Variants in FGF13 observed in about 807,000 individuals in gnomAD.
FGF13 encodes the protein fibroblast growth factor 13.
Under a neutral mutation model 19.5 loss-of-function variants are expected in FGF13, and 2 were observed. The ratio of observed to expected loss-of-function variants is 0.10; its 90% CI spans 0.04 to 0.32. The LOEUF (loss-of-function observed/expected upper bound fraction) is 0.32, where lower values mean the gene tolerates loss of function less well. FGF13 is among the 10% of genes least tolerant of loss of function. The probability of loss-of-function intolerance (pLI) is 1.00; values close to 1 mark genes in which losing one functional copy is unlikely to be tolerated. For missense variants in FGF13, 113 were observed against 192.7 expected, an observed-to-expected ratio of 0.59 and a Z score of 2.45; for synonymous variants, 72 against 76.9, an observed-to-expected ratio of 0.94 and a Z score of 0.33.
chrX:138,679,749 T>C (rs956279211), intron 3 of FGF13, among the ~76,000 whole-genome samples: 1 of 111,861 alleles, frequency 8.9e-6, no homozygotes, highest in African/African-American at 3.3e-5. Context: ...GCCTGGATGT[T>C]AATTGCTGCT....
intron 1 of FGF13, among the ~76,000 whole-genome samples, chrX:139,047,140 ACTTG>A (rs2092290040): frequency 8.9e-6 from 1 of 112,202 alleles, no homozygotes; most frequent in East Asian, 2.8e-4. Flanking sequence ...TTCCCTGGCT[ACTTG>A]AAGTCCTCTT....
intron 3 of FGF13, among the ~76,000 whole-genome samples, chrX:138,761,755 G>T (rs1476409059): frequency 9.0e-6 from 1 of 111,344 alleles, no homozygotes; most frequent in Non-Finnish European, 1.9e-5. Flanking sequence ...TGGACATTGA[G>T]AACCACACTT....
intron 3 of FGF13, among the ~76,000 whole-genome samples, chrX:138,665,032 TAGGAA>T (rs2089526660): frequency 9.0e-6 from 1 of 110,919 alleles, no homozygotes; most frequent in South Asian, 3.9e-4. Context: ...TCTTTGTTTG[TAGGAA>T]AGGGGTTCTC....
At chrX:138,790,943 C>T (rs187381102) in intron 3 of FGF13, among the ~76,000 whole-genome samples, 1 of 111,941 alleles carries the variant, frequency 8.9e-6, no homozygotes, top group African/African-American at 3.2e-5. Flanking sequence ...CTGTGAGTTC[C>T]ATATCTGCAG....
chrX:138,742,984 T>C (rs761494926), upstream of FGF13, among the ~76,000 whole-genome samples: 51 of 111,493 alleles, frequency 4.6e-4, no homozygotes, highest in Non-Finnish European at 8.7e-4. Context: ...TTGGGAAGAA[T>C]TGATGGAAAG....
At chrX:138,977,665 T>A (rs2124326677) in intron 1 of FGF13, among the ~76,000 whole-genome samples, 1 of 111,856 alleles carries the variant, frequency 8.9e-6, no homozygotes, top group East Asian at 2.8e-4. Flanking sequence ...GGAGCCTGGC[T>A]TTAAAGAAAC....
chrX:138,973,095 T>C (rs2091925520), intron 1 of FGF13, among the ~76,000 whole-genome samples: 1 of 112,055 alleles, frequency 8.9e-6, no homozygotes, highest in Admixed American at 9.5e-5. Flanking sequence ...TGAGGTGTAA[T>C]GTTAGGCTGT....
rs777226244 is a variant in FGF13, at chrX:139,041,211, A to G, written c.-113+162205T>C. On this transcript the variant is annotated intron_variant, in intron 1 of 2. Coordinates refer to the FGF13 transcript ENST00000421460. ...CTACACATGTACCCCTGAACTTAAA[A>G]TAGAAATTGAAGAAAAAAAAAGATT... is the stretch of plus-strand genomic sequence containing the variant. 4.5e-5 allele frequency among the ~76,000 whole-genome samples: 5 copies of G among 110,606 alleles called. No homozygotes were observed. In the South Asian group the frequency reaches 2.0e-3, roughly 43 times the overall value.
At chrX:138,741,453 C>G (rs894031106), upstream of FGF13, among the ~76,000 whole-genome samples, 1 of 111,626 alleles carries the variant, frequency 9.0e-6, no homozygotes, top group Non-Finnish European at 1.9e-5. Flanking sequence ...CTGCTATCCT[C>G]TCTTTCCTTT....
chrX:138,762,802 G>A (rs1265141743), intron 3 of FGF13, among the ~76,000 whole-genome samples: 1 of 112,113 alleles, frequency 8.9e-6, no homozygotes, highest in Non-Finnish European at 1.9e-5. Context: ...GCAATATCCA[G>A]CATATAATAA....
upstream of FGF13, among the ~76,000 whole-genome samples, chrX:138,742,960 A>G (rs1301548135): frequency 8.9e-6 from 1 of 111,752 alleles, no homozygotes; most frequent in Non-Finnish European, 1.9e-5. Context: ...TCTTGTATGC[A>G]CTGATCCCTC....
intron 3 of FGF13, among the ~76,000 whole-genome samples, chrX:138,805,871 T>C (rs2090862958): frequency 9.0e-6 from 1 of 110,764 alleles, no homozygotes. Context: ...CCACTTTTAA[T>C]CCTAAAGAGA....
At chrX:138,860,532 C>T (rs949750809) in intron 2 of FGF13, among the ~76,000 whole-genome samples, 1 of 112,052 alleles carries the variant, frequency 8.9e-6, no homozygotes, top group Non-Finnish European at 1.9e-5. Context: ...CACATGACCT[C>T]TATCCTCTGA....
chrX:138,778,722 C>T (rs1319810024), intron 3 of FGF13, among the ~76,000 whole-genome samples: 3 of 112,253 alleles, frequency 2.7e-5, no homozygotes, highest in Non-Finnish European at 3.8e-5. Flanking sequence ...AACAGCAAGG[C>T]GGCAGCCAGG....
chrX:139,163,543 A>C (rs2033399893), intron 1 of FGF13, among the ~76,000 whole-genome samples: 2 of 110,955 alleles, frequency 1.8e-5, no homozygotes, highest in South Asian at 7.7e-4. Flanking sequence ...AAGCATAATA[A>C]TTTAAAAGAA....
At chrX:138,955,919 T>A (rs1246271687) in intron 1 of FGF13, among the ~76,000 whole-genome samples, 1 of 112,018 alleles carries the variant, frequency 8.9e-6, no homozygotes, top group African/African-American at 3.2e-5. Flanking sequence ...AATGTCCTCA[T>A]CCTGCACCAA....
In FGF13 at chrX:139,176,198, T is replaced by C. The variant is rs2084182053; in HGVS notation, c.-113+27218A>G. On this transcript the variant is annotated intron_variant, in intron 1 of 2. Coordinates refer to the FGF13 transcript ENST00000421460. Reference sequence around the variant, plus strand: ...TCTAGTTTATTTGTATAGAGGTGTTTATAGTATTCTCTTATGGTAGTTTAT... The same window carrying C: ...TCTAGTTTATTTGTATAGAGGTGTTCATAGTATTCTCTTATGGTAGTTTAT... Among the ~76,000 whole-genome samples, 4 of 111,871 alleles carry C rather than the reference T, an allele frequency of 3.6e-5. No individual in the cohort carries two copies. In the South Asian group the frequency reaches 1.5e-3, roughly 42 times the overall value.
chrX:138,656,170 T>C (rs932037080), intron 3 of FGF13, among the ~76,000 whole-genome samples: 1 of 111,589 alleles, frequency 9.0e-6, no homozygotes, highest in South Asian at 3.7e-4. Flanking sequence ...TAGTGCACTA[T>C]AGGAACTTTG....
intron 1 of FGF13, among the ~76,000 whole-genome samples, chrX:139,019,180 G>T (rs2092166874): frequency 8.9e-6 from 1 of 112,115 alleles, no homozygotes; most frequent in South Asian, 3.6e-4. Flanking sequence ...GGTAGAAAGT[G>T]GTGGAGCCAG....
Sources: gnomAD v4.1 joint callset for allele counts (sites outside exome capture counted in the v4.1 genomes callset) on GRCh38, gnomAD v4.1.1 for gene constraint, MANE v1.5 for transcripts, NCBI Gene and HGNC (gene_info 2026-07-23, HGNC 2026-07-21) for gene names.